The following KCNT2 variants were observed in gnomAD, a reference collection of about 807,000 sequenced individuals.
The protein encoded by KCNT2 is potassium sodium-activated channel subfamily T member 2.
Under a neutral mutation model 153.8 loss-of-function variants are expected in KCNT2, and 67 were observed. The ratio of observed to expected loss-of-function variants is 0.44; its 90% CI spans 0.36 to 0.53. KCNT2 has a LOEUF of 0.53. Ranked by LOEUF, KCNT2 falls within the 20% of genes least tolerant of loss-of-function variation. The pLI, the probability that KCNT2 is intolerant of heterozygous loss-of-function variation, is 0.00. For missense variants in KCNT2, 975 were observed against 1,354.8 expected, an observed-to-expected ratio of 0.72 and a Z score of 4.40; for synonymous variants, 500 against 458.8, an observed-to-expected ratio of 1.09 and a Z score of -1.15.
At chr1:196,461,763 A>G (rs1410513333) in intron 8 of KCNT2, among the ~76,000 whole-genome samples, 2 of 151,682 alleles carry the variant, frequency 1.3e-5, no homozygotes, top group Admixed American at 6.6e-5. Context: ...TTCCATTACA[A>G]TGACCGAAAA....
intron 25 of KCNT2, among the ~76,000 whole-genome samples, chr1:196,266,374 C>G (rs1243051261): frequency 2.0e-5 from 3 of 152,088 alleles, no homozygotes; most frequent in Admixed American, 2.0e-4. Flanking sequence ...AGGTGATTAT[C>G]ACATATAAAA....
Position 196,239,327 on chromosome 1 carries a change from TAAA to T in KCNT2, c.3212-3260_3212-3258del, listed in dbSNP as rs201562071. Among the ~76,000 whole-genome samples the T allele has an allele frequency of 1.0e-3, 155 of 151,926 alleles. 2 individuals carry two copies. Among genetic ancestry groups the T allele is most frequent in the Admixed American group, 7.4e-3 (112 of 15,226 alleles). On this transcript the variant is annotated intron_variant, in intron 26 of 27. Coordinates refer to ENST00000294725, the MANE Select transcript of KCNT2 (RefSeq NM_198503.5). The stretch of plus-strand genomic sequence containing the variant: ...ATAATTATTTTAATAAAATTACTCA[TAAA>T]AACTGAAAATAATATTTTTGAATAT...
intron 8 of KCNT2, among the ~76,000 whole-genome samples, chr1:196,458,046 A>G (rs1228765616): frequency 6.6e-6 from 1 of 151,968 alleles, no homozygotes; most frequent in African/African-American, 2.4e-5. Context: ...ATACAATTTT[A>G]CATTTCATCT....
intron 1 of KCNT2, among the ~76,000 whole-genome samples, chr1:196,571,549 C>T (rs1660775956): frequency 6.6e-6 from 1 of 152,104 alleles, no homozygotes; most frequent in Admixed American, 6.6e-5. Flanking sequence ...TAAAAGACAT[C>T]TGGATTCCTG....
intron 6 of KCNT2, 100 bp from the exon 7 acceptor site, chr1:196,467,886 A>G (rs748638691): frequency 2.8e-4 from 153 of 553,866 alleles, no homozygotes; most frequent in Middle Eastern, 8.6e-4. Flanking sequence ...TAAAGAAAGT[A>G]TAATAATTTA....
At chr1:196,370,872 G>A (rs538691380) in intron 14 of KCNT2, among the ~76,000 whole-genome samples, 29 of 152,076 alleles carry the variant, frequency 1.9e-4, no homozygotes, top group Non-Finnish European at 4.4e-5. Flanking sequence ...GTTGTAAAAA[G>A]GAATAAAGTG....
chr1:196,429,910 A>G (rs1673986133), intron 8 of KCNT2, among the ~76,000 whole-genome samples, 153 bp from the exon 9 acceptor site: 2 of 152,140 alleles, frequency 1.3e-5, no homozygotes. Context: ...AGATATAATT[A>G]GTAAGTTCTT....
intron 27 of KCNT2, among the ~76,000 whole-genome samples, chr1:196,232,178 T>G (rs941000076): frequency 1.3e-5 from 2 of 151,808 alleles, no homozygotes; most frequent in African/African-American, 2.4e-5. Flanking sequence ...CACACTGCTT[T>G]ATAGTTACTT....
At chr1:196,353,324 T>C (rs1230789146) in intron 14 of KCNT2, among the ~76,000 whole-genome samples, 1 of 151,938 alleles carries the variant, frequency 6.6e-6, no homozygotes, top group African/African-American at 2.4e-5. Context: ...TGGGGGTGGA[T>C]GCATAACCAC....
chr1:196,508,189 C>CAAAAAAAAAAAAAAAAAAAAAAGAAA (rs1681305311), intron 1 of KCNT2, among the ~76,000 whole-genome samples: 2 of 59,982 alleles, frequency 3.3e-5, no homozygotes, highest in Non-Finnish European at 6.0e-5. Flanking sequence ...CCCTAAGTAG[C>CAAAAAAAAAAAAAAAAAAAAAAGAAA]AAAAAAAAAA....
At chr1:196,410,785 A>T (rs1319340953) in intron 12 of KCNT2, among the ~76,000 whole-genome samples, 1 of 151,452 alleles carries the variant, frequency 6.6e-6, no homozygotes, top group Non-Finnish European at 1.5e-5. Context: ...AATCAATGCC[A>T]AGACCAAAGT....
rs1665370183 is a variant in KCNT2, at chr1:196,606,764, T to A, written c.95+1451A>T. 4.6e-5 allele frequency among the ~76,000 whole-genome samples: 7 copies of A among 152,300 alleles called. No homozygotes were observed. In the South Asian group the frequency reaches 1.4e-3, roughly 32 times the overall value. On this transcript the variant is annotated intron_variant, in intron 1 of 27. Transcript: ENST00000294725. Reference sequence around the variant, plus strand: ...AGAGGATTTCTATTCTATATAATGATCCTGAGGTCCTGAACTAAATATACA... The same window carrying A: ...AGAGGATTTCTATTCTATATAATGAACCTGAGGTCCTGAACTAAATATACA...
chr1:196,402,986 C>G (rs1161980671), intron 12 of KCNT2, among the ~76,000 whole-genome samples: 2 of 151,572 alleles, frequency 1.3e-5, no homozygotes, highest in Non-Finnish European at 3.0e-5. Flanking sequence ...AATGATACAT[C>G]AAATTTGGAA....
At chr1:196,253,676 A>T (rs1242559970) in intron 26 of KCNT2, among the ~76,000 whole-genome samples, 1 of 151,448 alleles carries the variant, frequency 6.6e-6, no homozygotes, top group Non-Finnish European at 1.5e-5. Context: ...CATTTTTTGT[A>T]TTATTTCAGT....
chr1:196,499,741 A>G (rs919743238), intron 1 of KCNT2, among the ~76,000 whole-genome samples: 1 of 152,132 alleles, frequency 6.6e-6, no homozygotes, highest in Non-Finnish European at 1.5e-5. Flanking sequence ...TTTAGATTTT[A>G]TTTATTTGTA....
At chr1:196,371,612 CT>C (rs1215738742) in intron 14 of KCNT2, among the ~76,000 whole-genome samples, 1 of 151,852 alleles carries the variant, frequency 6.6e-6, no homozygotes, top group East Asian at 1.9e-4. Context: ...AAAGGAAATC[CT>C]TAATTATATA....
chr1:196,601,112 T>C (rs1282409811), intron 1 of KCNT2, among the ~76,000 whole-genome samples: 1 of 152,230 alleles, frequency 6.6e-6, no homozygotes, highest in Non-Finnish European at 1.5e-5. Context: ...CTCAGTTCCT[T>C]GAAAATGCCT....
intron 1 of KCNT2, among the ~76,000 whole-genome samples, chr1:196,577,856 A>G (rs1048607495): frequency 1.3e-5 from 2 of 152,198 alleles, no homozygotes; most frequent in African/African-American, 4.8e-5. Flanking sequence ...ATATCTGACA[A>G]AAAAGTAGAA....
At chr1:196,572,430 GA>G (rs1660889046) in intron 1 of KCNT2, among the ~76,000 whole-genome samples, 1 of 152,066 alleles carries the variant, frequency 6.6e-6, no homozygotes, top group South Asian at 2.1e-4. Flanking sequence ...ACACAAAAAG[GA>G]AACTTAGATG....
Sources: gnomAD v4.1 joint callset for allele counts (sites outside exome capture counted in the v4.1 genomes callset) on GRCh38, gnomAD v4.1.1 for gene constraint, MANE v1.5 for transcripts, NCBI Gene and HGNC (gene_info 2026-07-23, HGNC 2026-07-21) for gene names.